Variants in NFS1 observed in about 807,000 individuals in gnomAD.
NFS1 encodes the protein cysteine desulfurase.
A neutral mutation model predicts 57.3 loss-of-function variants in NFS1; 26 were observed. The ratio of observed to expected loss-of-function variants is 0.45; its 90% CI spans 0.33 to 0.63. The LOEUF (loss-of-function observed/expected upper bound fraction) is 0.63, where lower values mean the gene tolerates loss of function less well. Ranked by LOEUF, NFS1 falls within the 20% of genes least tolerant of loss-of-function variation. The probability of loss-of-function intolerance (pLI) is 0.02; values close to 1 mark genes in which losing one functional copy is unlikely to be tolerated. For missense variants in NFS1, 505 were observed against 605.8 expected (o/e 0.83, Z 1.75); for synonymous variants, 209 against 216.3 (o/e 0.97, Z 0.30).
intron 7 of NFS1, among the ~76,000 whole-genome samples, chr20:35,680,259 G>T (rs6060554): frequency 0.067 from 10,233 of 151,998 alleles, 421 homozygotes; most frequent in South Asian, 0.18. Flanking sequence ...GAACCGAGAT[G>T]GCGCCACTGC....
rs747740419 is a variant in NFS1, at chr20:35,697,733, G to A, written c.275C>T (p.Thr92Ile). 3 of 1,614,024 alleles carry A rather than the reference G, an allele frequency of 1.9e-6. No individual in the cohort carries two copies. The highest frequency in any genetic ancestry group is 1.3e-5 in the African/African-American group (1 of 75,014). Residue 92 changes from threonine (T) to isoleucine (I), a missense_variant, in exon 3 of 13, where the codon ACA becomes ATA. Transcript: ENST00000374092. ...CTCACTCTCCCAGCCATAAGCATGT[G>A]TCCGGGAGTGTGGGTTCCCATAGTA... ...INYYGNPHSR[T>I]HAYGWESEAA...
At chr20:35,670,966 G>C (rs745434331) in intron 12 of NFS1, among the ~76,000 whole-genome samples, 32 of 152,160 alleles carry the variant, frequency 2.1e-4, no homozygotes, top group Non-Finnish European at 4.0e-4. Context: ...AATCCTGAAA[G>C]TCAAGGTTAA....
At chr20:35,698,956 G>T in intron 1 of NFS1, 1 of 1,318,576 alleles carries the variant, frequency 7.6e-7, no homozygotes, top group Non-Finnish European at 9.6e-7. Flanking sequence ...GGCCAGGAGC[G>T]GTCTGAAGGA....
intron 5 of NFS1, among the ~76,000 whole-genome samples, chr20:35,684,791 T>C (rs1298425901): frequency 6.6e-6 from 1 of 151,794 alleles, no homozygotes; most frequent in Non-Finnish European, 1.5e-5. Flanking sequence ...TAGCTGGGGA[T>C]GGTGGCTCAT....
At chr20:35,681,085 A>G (rs182550873) in intron 6 of NFS1, among the ~76,000 whole-genome samples, 10 of 151,836 alleles carry the variant, frequency 6.6e-5, no homozygotes, top group African/African-American at 2.4e-4. Flanking sequence ...CCTTCTTTAG[A>G]ATAAAAAAGA....
intron 4 of NFS1, among the ~76,000 whole-genome samples, chr20:35,691,828 A>C (rs2035045449): frequency 6.7e-6 from 1 of 148,718 alleles, no homozygotes; most frequent in South Asian, 2.1e-4. Context: ...AGGCAGGTGG[A>C]TCACGAGGTC....
chr20:35,699,135 C>G lies in NFS1; in HGVS notation c.97+57G>C. ...AGGAAGGCTCCGGAATATTCAGTTG[C>G]GTCGCCGCGCGGAGGGGACAGGTCC... On this transcript the variant is annotated intron_variant, in intron 1 of 12. Coordinates refer to ENST00000374092, the MANE Select transcript of NFS1 (RefSeq NM_021100.5). The surrounding 1 kb of genome is among the most constrained non-coding windows in gnomAD (Gnocchi z 4.4). The G allele has an allele frequency of 7.3e-7, 1 of 1,364,738 alleles. No individual in the cohort carries two copies. Among genetic ancestry groups the G allele is most frequent in the Non-Finnish European group, 9.4e-7 (1 of 1,065,628 alleles). 84.5% of individuals were successfully genotyped at this position (1,364,738 alleles called of 1,614,324 possible).
chr20:35,686,737 C>T (rs996149103), intron 5 of NFS1, among the ~76,000 whole-genome samples: 4 of 152,078 alleles, frequency 2.6e-5, no homozygotes, highest in Non-Finnish European at 5.9e-5. Flanking sequence ...GGCAGCAAGC[C>T]ACCCAGGTGC....
intron 2 of NFS1, 61 bp from the exon 3 acceptor site, chr20:35,697,861 C>A: frequency 3.5e-6 from 4 of 1,140,248 alleles, no homozygotes; most frequent in Non-Finnish European, 5.2e-6. Flanking sequence ...TCCCACTCCA[C>A]CCCTCAGACC....
Position 35,684,301 on chromosome 20 carries a change from A to C in NFS1, c.562-2320T>G, listed in dbSNP as rs991258992. Among the ~76,000 whole-genome samples, 14 of 150,052 alleles carry C rather than the reference A, an allele frequency of 9.3e-5. No homozygotes were observed. The East Asian group carries it at 1.8e-3, about 19-fold the overall frequency. On this transcript the variant is annotated intron_variant, in intron 5 of 12. Coordinates refer to ENST00000374092, the MANE Select transcript of NFS1 (RefSeq NM_021100.5). ...CGCCTATAGTTCCAGCTACTTGGGG[A>C]AGGGGCTGAGGCAGGAGAATGGCGT...
intron 5 of NFS1, among the ~76,000 whole-genome samples, chr20:35,689,518 C>T (rs887774193): frequency 2.6e-5 from 4 of 152,048 alleles, no homozygotes; most frequent in African/African-American, 9.7e-5. Context: ...CCTGTAATCC[C>T]AGCACTTTGG....
At position 35,698,590 on chromosome 20, in the gene NFS1, A is replaced by G. The variant is rs768180326; in HGVS notation, c.98T>C (p.Val33Ala). The G allele has an allele frequency of 8.8e-6, 14 of 1,597,672 alleles. No individual in the cohort carries two copies. The East Asian group carries it at 2.0e-4, about 23-fold the overall frequency. ...CGCAGACTGAGGAGCACGGTCTCCA[A>G]CTGATAAAAAATGGAACGGAGTAGC... ...AAPTRGLRLR[V>A]GDRAPQSAVP... is the part of the protein sequence containing the mutation. Residue 33 changes from valine (V) to alanine (A), a missense_variant and splice_region_variant, in exon 2 of 13, where the codon GTT (valine) becomes GCT (alanine). Physicochemically the swap from Val to Ala is moderately conservative, Grantham distance 64. Transcript: ENST00000374092.
intron 5 of NFS1, among the ~76,000 whole-genome samples, chr20:35,687,782 T>C (rs539268774): frequency 2.0e-5 from 3 of 152,280 alleles, no homozygotes; most frequent in East Asian, 3.9e-4. Context: ...GCAGCTAAGA[T>C]GCAGGATACA....
intron 3 of NFS1, among the ~76,000 whole-genome samples, chr20:35,697,302 TA>T (rs368169006): frequency 0.013 from 1,673 of 125,784 alleles, 10 homozygotes; most frequent in East Asian, 0.047. Context: ...CTCCATCTCA[TA>T]AAAAAAAAAA....
intron 4 of NFS1, chr20:35,692,440 C>T (rs1163583251): frequency 6.6e-6 from 1 of 152,204 alleles, no homozygotes; most frequent in African/African-American, 2.6e-5. Context: ...TGGCTAATGC[C>T]TATAATCCCA....
At chr20:35,690,205 A>AT (rs766265350) in intron 5 of NFS1, among the ~76,000 whole-genome samples, 2 of 152,148 alleles carry the variant, frequency 1.3e-5, no homozygotes, top group Non-Finnish European at 2.9e-5. Flanking sequence ...CTCAAAAAAA[A>AT]GAAAAAGAAA....
intron 7 of NFS1, chr20:35,676,329 T>A (rs1160704386): frequency 6.6e-6 from 1 of 151,428 alleles, no homozygotes; most frequent in Non-Finnish European, 1.5e-5. Context: ...GGCTCACACC[T>A]GTAATCCCAG....
chr20:35,692,525 A>AC (rs1389826402), intron 4 of NFS1, among the ~76,000 whole-genome samples: 2,254 of 115,654 alleles, frequency 0.019, 141 homozygotes, highest in African/African-American at 0.075. Flanking sequence ...CATCATCTAT[A>AC]CTAAAAAAAA....
chr20:35,698,706 A>G, intron 1 of NFS1, 116 bp from the exon 2 acceptor site: 1 of 1,430,990 alleles, frequency 7.0e-7, no homozygotes. Context: ...AAGGGATGCT[A>G]GGGTCGAATC....
Sources: allele counts gnomAD v4.1 joint callset (sites outside exome capture counted in the v4.1 genomes callset), GRCh38; gene constraint gnomAD v4.1.1; non-coding constraint Gnocchi (gnomAD v3.1); transcripts MANE v1.5; gene names NCBI Gene and HGNC (gene_info 2026-07-23, HGNC 2026-07-21).